Variants in PACSIN2 observed in about 807,000 individuals in gnomAD.
PACSIN2 encodes the protein protein kinase C and casein kinase substrate in neurons 2, also known as protein kinase C and casein kinase substrate in neurons protein 2.
Under a neutral mutation model 63.8 loss-of-function variants are expected in PACSIN2, and 25 were observed. That is an observed-to-expected ratio of 0.39 (90% CI 0.29 to 0.55). The LOEUF (loss-of-function observed/expected upper bound fraction) is 0.55. Among genes scored for constraint, PACSIN2 ranks in the 20% least tolerant of loss-of-function variants. The pLI is 0.62. For missense variants in PACSIN2, 518 were observed against 646.9 expected (o/e 0.80, Z 2.16); for synonymous variants, 255 against 256.2 (o/e 1.00, Z 0.05).
At chr22:42,905,380 G>A (rs1226724389) in intron 2 of PACSIN2, among the ~76,000 whole-genome samples, 1 of 152,256 alleles carries the variant, frequency 6.6e-6, no homozygotes, top group African/African-American at 2.4e-5. Flanking sequence ...TCGGGCTCGG[G>A]AGTCATTTAG....
At chr22:42,903,019 A>G (rs1399642537) in intron 2 of PACSIN2, among the ~76,000 whole-genome samples, 1 of 152,236 alleles carries the variant, frequency 6.6e-6, no homozygotes, top group Admixed American at 6.5e-5. Flanking sequence ...GGCCGGCAGA[A>G]GAGCAACTCC....
At chr22:42,879,012 A>T in intron 8 of PACSIN2, 36 bp downstream of exon 8, 1 of 1,599,110 alleles carries the variant, frequency 6.3e-7, no homozygotes, top group Non-Finnish European at 8.5e-7. Context: ...CCCACCATGG[A>T]ACGGCCTCTT....
chr22:42,996,946 T>G (rs991703360), intron 1 of PACSIN2, among the ~76,000 whole-genome samples: 2 of 152,212 alleles, frequency 1.3e-5, no homozygotes, highest in African/African-American at 4.8e-5. Context: ...TGGCACAAAA[T>G]GAGCCTCAAT....
At chr22:42,960,909 T>A (rs1014387439) in intron 1 of PACSIN2, among the ~76,000 whole-genome samples, 1 of 151,666 alleles carries the variant, frequency 6.6e-6, no homozygotes. Flanking sequence ...CAGGAAAGAG[T>A]AGATATGGAA....
intron 1 of PACSIN2, among the ~76,000 whole-genome samples, chr22:42,992,320 C>T (rs1201337669): frequency 1.3e-5 from 2 of 152,162 alleles, no homozygotes; most frequent in Admixed American, 6.5e-5. Context: ...GCTGGTGATG[C>T]GCGCAAAGCA....
chr22:42,971,122 C>T (rs1921226606), intron 1 of PACSIN2, among the ~76,000 whole-genome samples: 1 of 152,266 alleles, frequency 6.6e-6, no homozygotes, highest in South Asian at 2.1e-4. Context: ...TCCACGGTCT[C>T]CCTCTGATGC....
intron 2 of PACSIN2, among the ~76,000 whole-genome samples, chr22:42,900,397 AC>A (rs1332111608): frequency 1.3e-5 from 2 of 152,220 alleles, no homozygotes; most frequent in Non-Finnish European, 2.9e-5. Flanking sequence ...CAGGGTACTG[AC>A]AGTTTTACAT....
At chr22:42,948,373 G>A (rs1933526032) in intron 1 of PACSIN2, among the ~76,000 whole-genome samples, 1 of 152,216 alleles carries the variant, frequency 6.6e-6, no homozygotes, top group Non-Finnish European at 1.5e-5. Context: ...TGCTAGGTAA[G>A]CATGGACAAG....
intron 7 of PACSIN2, 76 bp from the exon 8 acceptor site, chr22:42,879,245 C>G: frequency 6.7e-7 from 1 of 1,498,246 alleles, no homozygotes; most frequent in Non-Finnish European, 9.0e-7. Context: ...TCAGTTCCTG[C>G]CCAGCGAGCC....
rs1266511780 is a variant in PACSIN2 at position 42,876,440 on chromosome 22, G to A, written c.1152-107C>T. On this transcript the variant is annotated intron_variant, in intron 9 of 10. Coordinates refer to ENST00000263246, the MANE Select transcript of PACSIN2 (RefSeq NM_001184970.3). Reference sequence around the variant, plus strand: ...TGGAGCCTTGGGGCTCAGGGCTGAGGGCTCCTTCCGAAGGAGCACAGGTGG... The same window carrying A: ...TGGAGCCTTGGGGCTCAGGGCTGAGAGCTCCTTCCGAAGGAGCACAGGTGG... 6 of 889,304 alleles carry A rather than the reference G, an allele frequency of 6.7e-6. No individual in the cohort carries two copies. The South Asian group carries it at 8.1e-5, about 12-fold the overall frequency. 55.1% of individuals were successfully genotyped at this position (889,304 alleles called of 1,614,324 possible).
intron 1 of PACSIN2, among the ~76,000 whole-genome samples, chr22:42,951,027 T>C (rs912128203): frequency 2.0e-5 from 3 of 152,016 alleles, no homozygotes; most frequent in Non-Finnish European, 4.4e-5. Flanking sequence ...TTGTCCTGAG[T>C]CTTGAATGAA....
rs767731815 is a variant in PACSIN2, at chr22:42,870,547, GTCT to G, written c.*807_*809del. ...ACAGATGCATTTGCTTGAAAAGTTA[GTCT>G]TCTTTTTAACTCTGAATCAGTGATA... On this transcript the variant is annotated 3_prime_UTR_variant, in exon 11 of 11. Transcript: ENST00000263246. 3.9e-5 allele frequency: 6 copies of G among 152,182 alleles called. No homozygotes were observed. Among genetic ancestry groups the G allele is most frequent in the Admixed American group, 2.0e-4 (3 of 15,268 alleles). The allele number at this position is 152,182 out of a possible 1,614,324, so 9.4% of individuals were successfully genotyped here. A position where few individuals can be genotyped will look rare whatever the true frequency, so the allele number is the denominator to read the frequency against.
chr22:42,993,312 A>T (rs773580991), intron 1 of PACSIN2, among the ~76,000 whole-genome samples: 1 of 152,198 alleles, frequency 6.6e-6, no homozygotes, highest in Non-Finnish European at 1.5e-5. Context: ...GGGCAGAGGG[A>T]CCCCAAGTGG....
chr22:42,989,621 C>T (rs1922872727), intron 1 of PACSIN2, among the ~76,000 whole-genome samples: 2 of 151,234 alleles, frequency 1.3e-5, no homozygotes, highest in African/African-American at 4.9e-5. Context: ...ACAGTGAAAC[C>T]CCGTCTCTAC....
chr22:42,980,659 G>A (rs1395530753), intron 1 of PACSIN2, among the ~76,000 whole-genome samples: 8 of 111,296 alleles, frequency 7.2e-5, no homozygotes, highest in East Asian at 2.5e-4. Context: ...ACTGGTTTTC[G>A]TTTTTTTTTG....
chr22:42,945,261 G>A (rs748715344), intron 1 of PACSIN2, among the ~76,000 whole-genome samples: 10 of 152,116 alleles, frequency 6.6e-5, no homozygotes, highest in Non-Finnish European at 1.5e-4. Flanking sequence ...AGGAGTCTTT[G>A]GGGAGGGAGC....
At chr22:42,874,275 G>A (rs1928401874) in intron 10 of PACSIN2, among the ~76,000 whole-genome samples, 2 of 147,430 alleles carry the variant, frequency 1.4e-5, no homozygotes, top group South Asian at 4.2e-4. Flanking sequence ...AGCTATGATC[G>A]CACCACTGTA....
chr22:42,926,065 T>C lies in PACSIN2; in HGVS notation c.-77-13908A>G, dbSNP rs542906745. Among the ~76,000 whole-genome samples the C allele has an allele frequency of 2.0e-5, 3 of 152,354 alleles. No homozygotes were observed. The East Asian group carries it at 5.8e-4, about 29-fold the overall frequency. ...ACCATTAGCAAAGCTGGGATGTTTT[T>C]TAAGAGCTCAACTACCTGGCACAAC... On this transcript the variant is annotated intron_variant, in intron 1 of 10. Transcript: ENST00000263246.
At chr22:42,905,003 G>T (rs575964119) in intron 2 of PACSIN2, among the ~76,000 whole-genome samples, 1 of 152,284 alleles carries the variant, frequency 6.6e-6, no homozygotes, top group East Asian at 1.9e-4. Flanking sequence ...TTACTGAATA[G>T]AAAGGAAAAA....
Sources: gnomAD v4.1 joint callset for allele counts (sites outside exome capture counted in the v4.1 genomes callset) on GRCh38, gnomAD v4.1.1 for gene constraint, MANE v1.5 for transcripts, NCBI Gene and HGNC (gene_info 2026-07-23, HGNC 2026-07-21) for gene names.